ADAM10: variants seen among roughly 807,000 people sequenced by gnomAD.
ADAM10 encodes disintegrin and metalloproteinase domain-containing protein 10.
ADAM10 carries 17 observed loss-of-function variants against 90.1 expected under a neutral mutation model. That is an observed-to-expected ratio of 0.19 (90% CI 0.13 to 0.28). The LOEUF (loss-of-function observed/expected upper bound fraction) is 0.28. ADAM10 is among the 10% of genes least tolerant of loss of function. ADAM10 has a pLI of 1.00. For missense variants in ADAM10, 610 were observed against 914.3 expected (o/e 0.67, Z 4.29); for synonymous variants, 310 against 298.6 (o/e 1.04, Z -0.40).
At chr15:58,717,923 G>A (rs560972737) in intron 1 of ADAM10, among the ~76,000 whole-genome samples, 196 bp from the exon 2 acceptor site, 5 of 152,208 alleles carry the variant, frequency 3.3e-5, no homozygotes, top group African/African-American at 1.2e-4. Flanking sequence ...GCACACACAA[G>A]TTTGGATGTT....
intron 14 of ADAM10, among the ~76,000 whole-genome samples, chr15:58,603,876 TAAAAAAAA>T (rs34718794): frequency 1.4e-5 from 1 of 72,066 alleles, no homozygotes; most frequent in Non-Finnish European, 2.8e-5. Flanking sequence ...GGTCCAGGGT[TAAAAAAAA>T]AAAAAAAAAA....
At position 58,644,561 on chromosome 15, in the gene ADAM10, A is replaced by C. The variant is rs542481212; in HGVS notation, c.736-583T>G. On this transcript the variant is annotated intron_variant, in intron 6 of 15. Coordinates refer to ENST00000260408, the MANE Select transcript of ADAM10 (RefSeq NM_001110.4). ...ATACTCTTGTTTCAGTCACATAAAAATTTTGTTTCCTCAATCCAATCCTAC... is the reference window on the plus strand; with the variant it reads ...ATACTCTTGTTTCAGTCACATAAAACTTTTGTTTCCTCAATCCAATCCTAC... 1.3e-5 allele frequency among the ~76,000 whole-genome samples: 2 copies of C among 152,276 alleles called. 1 individual carries two copies. The highest frequency in any genetic ancestry group is 4.8e-5 in the African/African-American group (2 of 41,550).
chr15:58,652,162 G>C (rs1365271863), intron 5 of ADAM10, among the ~76,000 whole-genome samples: 1 of 152,096 alleles, frequency 6.6e-6, no homozygotes, highest in Non-Finnish European at 1.5e-5. Flanking sequence ...TGTCAGACAA[G>C]TAGTGTGCAA....
intron 2 of ADAM10, among the ~76,000 whole-genome samples, chr15:58,710,075 C>G (rs1014243897): frequency 3.9e-5 from 6 of 152,088 alleles, no homozygotes; most frequent in African/African-American, 1.2e-4. Flanking sequence ...GTTAGGAGAT[C>G]GAGACCATCC....
At chr15:58,703,291 C>CAAAAAAAAAAAA (rs542156053) in intron 2 of ADAM10, among the ~76,000 whole-genome samples, 5 of 76,376 alleles carry the variant, frequency 6.5e-5, no homozygotes, top group East Asian at 3.1e-4. Flanking sequence ...GGTATTCCCT[C>CAAAAAAAAAAAA]AAAAAAAAAA....
intron 5 of ADAM10, among the ~76,000 whole-genome samples, chr15:58,655,711 G>GTGTGTATATATATATATATATA (rs1212041296): frequency 1.3e-4 from 7 of 53,706 alleles, no homozygotes; most frequent in East Asian, 5.8e-4. Flanking sequence ...TATATATATA[G>GTGTGTATATATATATATATATA]TATATATATA....
intron 4 of ADAM10, among the ~76,000 whole-genome samples, chr15:58,675,112 C>T (rs572924973): frequency 6.6e-6 from 1 of 152,300 alleles, no homozygotes; most frequent in East Asian, 1.9e-4. Flanking sequence ...GCAGGAGAAT[C>T]ACCTGAACCC....
At chr15:58,672,028 A>G (rs1897204267) in intron 4 of ADAM10, among the ~76,000 whole-genome samples, 1 of 150,328 alleles carries the variant, frequency 6.7e-6, no homozygotes, top group Non-Finnish European at 1.5e-5. Context: ...TTACAATACT[A>G]AAATTATAAA....
chr15:58,624,989 TGAA>T (rs1270026434), intron 10 of ADAM10, among the ~76,000 whole-genome samples: 7 of 152,108 alleles, frequency 4.6e-5, no homozygotes, highest in African/African-American at 1.7e-4. Flanking sequence ...AGTTTACAAA[TGAA>T]GAATCTTAAT....
chr15:58,681,272 T>C (rs111967523), intron 3 of ADAM10, among the ~76,000 whole-genome samples: 264 of 152,250 alleles, frequency 1.7e-3, no homozygotes, highest in African/African-American at 5.4e-3. Context: ...GAAAATCTAC[T>C]GATGAAAAAC....
Position 58,589,820 on chromosome 15 carries a change from AC to A in ADAM10, c.*7726del, listed in dbSNP as rs1390998233. The A allele has an allele frequency of 2.0e-5, 3 of 152,186 alleles. No individual in the cohort carries two copies. The highest frequency in any genetic ancestry group is 4.4e-5 in the Non-Finnish European group (3 of 68,046). The allele number at this position is 152,186 out of a possible 1,614,324, so 9.4% of individuals were successfully genotyped here. A position where few individuals can be genotyped will look rare whatever the true frequency, so the allele number is the denominator to read the frequency against. On this transcript the variant is annotated 3_prime_UTR_variant, in exon 16 of 16. Transcript: ENST00000260408. ...ATCCTAAATTTATGATAGTCATGAT[AC>A]AGACGCCCAGGTCTGAAAAGCGAAG...
intron 9 of ADAM10, among the ~76,000 whole-genome samples, chr15:58,631,350 G>A (rs372539301): frequency 1.4e-4 from 22 of 152,314 alleles, no homozygotes; most frequent in South Asian, 8.3e-4. Flanking sequence ...ACGATTGAGC[G>A]TGGTAGGCAA....
At chr15:58,682,161 A>G in intron 3 of ADAM10, 35 bp downstream of exon 3, 1 of 1,603,880 alleles carries the variant, frequency 6.2e-7, no homozygotes, top group Non-Finnish European at 8.5e-7. Context: ...AAAAAAAAAA[A>G]TGGAAGAAAA....
At chr15:58,721,274 T>C (rs1254513475) in intron 1 of ADAM10, among the ~76,000 whole-genome samples, 2 of 152,210 alleles carry the variant, frequency 1.3e-5, no homozygotes, top group Non-Finnish European at 2.9e-5. Flanking sequence ...GTAATTGAGA[T>C]AGAACATGAT....
chr15:58,746,919 T>C (rs1417917122), intron 1 of ADAM10, among the ~76,000 whole-genome samples: 1 of 152,196 alleles, frequency 6.6e-6, no homozygotes, highest in African/African-American at 2.4e-5. Context: ...CGACTCAGAG[T>C]CAGAGAAAGT....
chr15:58,611,055 G>C lies in ADAM10; in HGVS notation c.1748C>G (p.Ala583Gly), dbSNP rs1458392722. Residue 583 changes from alanine to glycine, a missense_variant, in exon 13 of 16, where the codon GCC becomes GGC. Physicochemically the swap from Ala to Gly is moderately conservative, Grantham distance 60. Around this residue, in one of 4 missense-constraint regions of ADAM10, gnomAD observed 150 missense variants for 268.5 expected, o/e 0.56. Transcript: ENST00000260408. ...TTTATCATCTTTGCCATCAGAACTG[G>C]CACACGTACACTCCTCTAAGCCATA... ...EKYGLEECTC[A>G]SSDGKDDKEL... 3 of 1,613,702 alleles carry C rather than the reference G, an allele frequency of 1.9e-6. No homozygotes were observed. The highest frequency in any genetic ancestry group is 2.5e-6 in the Non-Finnish European group (3 of 1,179,856).
chr15:58,739,540 T>C (rs562561780), intron 1 of ADAM10, among the ~76,000 whole-genome samples: 16 of 151,792 alleles, frequency 1.1e-4, no homozygotes, highest in Admixed American at 2.0e-4. Context: ...AATAAATAAA[T>C]AAATATTTTC....
At chr15:58,711,162 A>G (rs1242204051) in intron 2 of ADAM10, among the ~76,000 whole-genome samples, 1 of 152,184 alleles carries the variant, frequency 6.6e-6, no homozygotes, top group African/African-American at 2.4e-5. Context: ...GAAAAAAATA[A>G]AGTTGTATAT....
chr15:58,623,605 C>T (rs748313578), intron 10 of ADAM10, among the ~76,000 whole-genome samples: 82 of 152,222 alleles, frequency 5.4e-4, no homozygotes, highest in South Asian at 1.2e-3. Context: ...AAATGTGATA[C>T]ATATACACCA....
Sources: allele counts gnomAD v4.1 joint callset (sites outside exome capture counted in the v4.1 genomes callset), GRCh38; gene constraint gnomAD v4.1.1; regional missense constraint gnomAD v4.1.1; transcripts MANE v1.5; gene names NCBI Gene and HGNC (gene_info 2026-07-23, HGNC 2026-07-21).